RET: variants seen among roughly 807,000 people sequenced by gnomAD.
RET encodes the protein proto-oncogene tyrosine-protein kinase receptor Ret.
In RET, 19 loss-of-function variants were observed where a neutral mutation model predicts 118.3. The ratio of observed to expected loss-of-function variants is 0.16; its 90% CI spans 0.11 to 0.24. The LOEUF (loss-of-function observed/expected upper bound fraction) is 0.24. Among genes scored for constraint, RET ranks in the 10% least tolerant of loss-of-function variants. The pLI is 1.00. For synonymous variants in RET, 597 were observed against 644.1 expected (o/e 0.93, Z 1.11); for missense variants, 1,219 against 1,502.1 (o/e 0.81, Z 3.12).
chr10:43,123,037 T>C (rs1046207402), intron 16 of RET, among the ~76,000 whole-genome samples: 3 of 152,228 alleles, frequency 2.0e-5, no homozygotes, highest in Non-Finnish European at 4.4e-5. Flanking sequence ...TGAATGTCAT[T>C]GGACCACACC....
chr10:43,086,459 A>G lies in RET; in HGVS notation c.73+9128A>G, dbSNP rs558699656. Among the ~76,000 whole-genome samples the G allele has an allele frequency of 2.6e-5, 4 of 152,166 alleles. No individual in the cohort carries two copies. In the East Asian group the frequency reaches 5.8e-4, roughly 22 times the overall value. On this transcript the variant is annotated intron_variant, in intron 1 of 19. Transcript: ENST00000355710. ...TCTGAGTCACTGCCTTGCTGAGTGC[A>G]TGGGGACAGTTGCCCAGGCCAGAGG... is the stretch of plus-strand genomic sequence containing the variant.
rs1258694303 is a variant in RET at position 43,118,238 on chromosome 10, C to CT, written c.2285-134dup. 4.0e-6 allele frequency: 3 copies of CT among 744,092 alleles called. No individual in the cohort carries two copies. In the African/African-American group the frequency reaches 5.2e-5, roughly 13 times the overall value. 46.1% of individuals were successfully genotyped at this position (744,092 alleles called of 1,614,324 possible). ...ACTGATCCCAAAGGCTGGGAGAAGC[C>CT]TCAAGCAGCATCGTCTTTGCAGGCC... On this transcript the variant is annotated intron_variant, in intron 12 of 19. Transcript: ENST00000355710.
In RET at chr10:43,106,625, G is replaced by A. The variant is rs967308975; in HGVS notation, c.1063+54G>A. ...TAGGCCCCCAGGAAATGAGGTGCTC[G>A]CTCTTCATGGGCAAGCAGCACCCTA... On this transcript the variant is annotated intron_variant, in intron 5 of 19. Transcript: ENST00000355710. The surrounding 1 kb of genome is among the most constrained non-coding windows in gnomAD (Gnocchi z 5.1). The A allele has an allele frequency of 1.5e-5, 24 of 1,568,648 alleles. No individual in the cohort carries two copies. In the Admixed American group the frequency reaches 1.9e-4, roughly 13 times the overall value.
intron 4 of RET, among the ~76,000 whole-genome samples, chr10:43,105,987 G>T (rs1304274597): frequency 6.6e-6 from 1 of 152,204 alleles, no homozygotes; most frequent in Non-Finnish European, 1.5e-5. Context: ...TCTGCCGGCT[G>T]TTCCTGTGTG....
intron 5 of RET, among the ~76,000 whole-genome samples, chr10:43,107,598 CACA>C (rs1564492684): frequency 6.6e-6 from 1 of 150,972 alleles, no homozygotes; most frequent in Non-Finnish European, 1.5e-5. Context: ...CACACACACA[CACA>C]CCCTGTTACC....
At chr10:43,104,668 G>A (rs1436164303) in intron 3 of RET, 1 of 564,732 alleles carries the variant, frequency 1.8e-6, no homozygotes, top group Non-Finnish European at 3.2e-6. Context: ...GGTTGATCAG[G>A]GTGCCTGGTC....
chr10:43,094,832 G>A (rs17158508), intron 1 of RET, among the ~76,000 whole-genome samples: 16,856 of 152,290 alleles, frequency 0.11, 990 homozygotes, highest in East Asian at 0.21. Flanking sequence ...TGAGCATATG[G>A]GAGAACAAGT....
chr10:43,087,178 G>A (rs926249950), intron 1 of RET, among the ~76,000 whole-genome samples: 1 of 152,216 alleles, frequency 6.6e-6, no homozygotes, highest in Admixed American at 6.5e-5. Flanking sequence ...GGCCATGTTC[G>A]TGCGTGCAGG....
intron 1 of RET, among the ~76,000 whole-genome samples, chr10:43,094,615 AG>A (rs1299492317): frequency 6.6e-6 from 1 of 152,050 alleles, no homozygotes; most frequent in African/African-American, 2.4e-5. Context: ...GGTGGTCGGC[AG>A]TGGGGGAGTG....
chr10:43,102,830 T>C, intron 3 of RET: 1 of 651,956 alleles, frequency 1.5e-6, no homozygotes, highest in Admixed American at 2.7e-5. Context: ...ACACAACGGG[T>C]TGGAATCTTG....
rs575342629 is a variant in RET at position 43,118,203 on chromosome 10, G to GC, written c.2285-166dup. Reference sequence around the variant, plus strand: ...GTGCTTCTTCCTCAGGGTGGATGAGGCCCCTGTCCACTGATCCCAAAGGCT... The same window carrying GC: ...GTGCTTCTTCCTCAGGGTGGATGAGGCCCCCTGTCCACTGATCCCAAAGGCT... On this transcript the variant is annotated intron_variant, in intron 12 of 19. Transcript: ENST00000355710. Among the ~76,000 whole-genome samples the GC allele has an allele frequency of 1.4e-4, 22 of 152,246 alleles. No individual in the cohort carries two copies. The South Asian group carries it at 4.4e-3, about 30-fold the overall frequency.
At chr10:43,082,043 C>T (rs1226974997) in intron 1 of RET, among the ~76,000 whole-genome samples, 1 of 152,206 alleles carries the variant, frequency 6.6e-6, no homozygotes, top group Non-Finnish European at 1.5e-5. Context: ...CCATGGAGCT[C>T]TGGTCCCGCA....
chr10:43,088,414 G>T (rs2132573311), intron 1 of RET, among the ~76,000 whole-genome samples: 1 of 151,554 alleles, frequency 6.6e-6, no homozygotes, highest in South Asian at 2.1e-4. Context: ...AGTCATGATG[G>T]TGAAGGTGGG....
chr10:43,089,878 G>C (rs957587348), intron 1 of RET, among the ~76,000 whole-genome samples: 1 of 152,256 alleles, frequency 6.6e-6, no homozygotes, highest in Non-Finnish European at 1.5e-5. Context: ...TGAGAGTTAA[G>C]GGAGGCAAAG....
At position 43,128,828 on chromosome 10, in the gene RET, G is replaced by A. The variant is rs1838389831; in HGVS notation, c.*559G>A. 4.1e-6 allele frequency: 1 copy of A among 242,878 alleles called. No homozygotes were observed. The highest frequency in any genetic ancestry group is 2.2e-5 in the African/African-American group (1 of 45,162). The allele number at this position is 242,878 out of a possible 1,614,324, so 15.0% of individuals were successfully genotyped here. A position where few individuals can be genotyped will look rare whatever the true frequency, so the allele number is the denominator to read the frequency against. ...AGGGGAAGAGGGGCCCCGAGGATGG[G>A]CCTGGGCTCAGCATTCGAGATCTTG... is the stretch of plus-strand genomic sequence containing the variant. On this transcript the variant is annotated 3_prime_UTR_variant, in exon 20 of 20. Coordinates refer to ENST00000355710, the MANE Select transcript of RET (RefSeq NM_020975.6).
chr10:43,118,321 G>A lies in RET; in HGVS notation c.2285-52G>A, dbSNP rs1050235403. 3 of 1,447,220 alleles carry A rather than the reference G, an allele frequency of 2.1e-6. No homozygotes were observed. In the African/African-American group the frequency reaches 4.2e-5, roughly 20 times the overall value. The allele number at this position is 1,447,220 out of a possible 1,614,324, so 89.6% of individuals were successfully genotyped here. ...TCCATCCTGACCTGGTATGGTCATG[G>A]AAGGGGCTTCCAGGAGCGATCGTTT... is the stretch of plus-strand genomic sequence containing the variant. On this transcript the variant is annotated intron_variant, in intron 12 of 19. Transcript: ENST00000355710.
At chr10:43,128,084 A>G in intron 19 of RET, 28 bp from the exon 20 acceptor site, 2 of 1,613,864 alleles carry the variant, frequency 1.2e-6, no homozygotes, top group East Asian at 2.2e-5. Flanking sequence ...TCTTCAGTGC[A>G]GAACAAATGA....
intron 1 of RET, among the ~76,000 whole-genome samples, chr10:43,088,240 GTGA>G (rs1485154517): frequency 6.6e-6 from 1 of 150,480 alleles, no homozygotes; most frequent in Non-Finnish European, 1.5e-5. Context: ...AATGGTGGTG[GTGA>G]TGGTGGTGGT....
chr10:43,111,130 G>A (rs1837909215), intron 6 of RET, 77 bp from the exon 7 acceptor site: 13 of 1,597,154 alleles, frequency 8.1e-6, no homozygotes, highest in Non-Finnish European at 1.0e-5. Flanking sequence ...GACTTAGGCT[G>A]TGTGGGAATC....
Sources: gnomAD v4.1 joint callset for allele counts (sites outside exome capture counted in the v4.1 genomes callset) on GRCh38, gnomAD v4.1.1 for gene constraint, Gnocchi (gnomAD v3.1) non-coding constraint, MANE v1.5 for transcripts, NCBI Gene and HGNC (gene_info 2026-07-23, HGNC 2026-07-21) for gene names.